EYS: variants seen among roughly 807,000 people sequenced by gnomAD.
EYS encodes the protein EGF-like photoreceptor maintenance factor, also known as protein eyes shut homolog.
EYS carries 250 observed loss-of-function variants against 282.1 expected under a neutral mutation model. The ratio of observed to expected loss-of-function variants is 0.89; its 90% CI spans 0.80 to 0.98. EYS has a LOEUF of 0.98. EYS is among the 50% of genes least tolerant of loss of function. The pLI is 0.00. For missense variants in EYS, 4,016 were observed against 3,709.0 expected, an observed-to-expected ratio of 1.08 and a Z score of -2.15; for synonymous variants, 1,355 against 1,282.9, an observed-to-expected ratio of 1.06 and a Z score of -1.20.
At chr6:63,963,747 A>G (rs949204637) in intron 35 of EYS, among the ~76,000 whole-genome samples, 2 of 152,350 alleles carry the variant, frequency 1.3e-5, no homozygotes, top group South Asian at 4.1e-4. Context: ...ACTTGAATAT[A>G]CCATTGGAGA....
chr6:65,638,674 C>T (rs1221547635), intron 2 of EYS, among the ~76,000 whole-genome samples: 3 of 152,354 alleles, frequency 2.0e-5, no homozygotes, highest in African/African-American at 7.2e-5. Context: ...GCCCACCGCG[C>T]TGCAGCAGCC....
intron 2 of EYS, among the ~76,000 whole-genome samples, chr6:65,584,456 GT>G (rs1056310548): frequency 7.5e-4 from 114 of 152,130 alleles, no homozygotes; most frequent in African/African-American, 2.6e-3. Flanking sequence ...TTCAGGATGA[GT>G]TTTTTAGAGT....
chr6:65,625,339 CTG>C (rs752714611), intron 2 of EYS, among the ~76,000 whole-genome samples: 49 of 152,182 alleles, frequency 3.2e-4, no homozygotes, highest in Non-Finnish European at 5.9e-4. Context: ...CCTCTTGAAA[CTG>C]TGAGATAATC....
chr6:65,704,910 C>A (rs935049500), intron 1 of EYS, among the ~76,000 whole-genome samples: 1 of 152,068 alleles, frequency 6.6e-6, no homozygotes, highest in Admixed American at 6.6e-5. Context: ...AAATTGTTTT[C>A]ATCTTTATTC....
intron 28 of EYS, among the ~76,000 whole-genome samples, chr6:64,434,863 G>T (rs1486635941): frequency 6.6e-6 from 1 of 151,870 alleles, no homozygotes; most frequent in African/African-American, 2.4e-5. Context: ...CCATGCCTGA[G>T]GCCAGAACAG....
At chr6:65,150,770 C>T (rs1007768664) in intron 12 of EYS, among the ~76,000 whole-genome samples, 7 of 151,800 alleles carry the variant, frequency 4.6e-5, no homozygotes, top group Admixed American at 2.0e-4. Context: ...ATATTCTTTA[C>T]ATAAATTTTA....
At chr6:64,409,948 T>C (rs1167597221) in intron 28 of EYS, among the ~76,000 whole-genome samples, 2 of 152,098 alleles carry the variant, frequency 1.3e-5, no homozygotes, top group African/African-American at 4.8e-5. Context: ...AAGTTTATAT[T>C]TTATATAGCC....
chr6:64,371,579 C>T lies in EYS; in HGVS notation c.6078+17111G>A, dbSNP rs149040871. ...CCCAAATATCTTTGTTAATTTTCTG[C>T]CTTGATGATCTGTCTAATACTGTCA... On this transcript the variant is annotated intron_variant, in intron 29 of 42. Coordinates refer to ENST00000503581, the MANE Select transcript of EYS (RefSeq NM_001142800.2). Among the ~76,000 whole-genome samples, 649 of 151,988 alleles carry T rather than the reference C, an allele frequency of 4.3e-3. 5 individuals are homozygous for T. Among genetic ancestry groups the T allele is most frequent in the African/African-American group, 0.015 (611 of 41,472 alleles).
rs1283265756 is a variant in EYS at position 64,162,765 on chromosome 6, A to G, written c.6424+67827T>C. Among the ~76,000 whole-genome samples the G allele has an allele frequency of 2.0e-5, 3 of 152,236 alleles. No homozygotes were observed. In the East Asian group the frequency reaches 5.8e-4, roughly 29 times the overall value. On this transcript the variant is annotated intron_variant, in intron 31 of 42. Coordinates refer to ENST00000503581, the MANE Select transcript of EYS (RefSeq NM_001142800.2). Reference sequence around the variant, plus strand: ...AATAATAGCATATTAATCTATACAAACATTTTAACATTTGTGATTGATTTT... The same window carrying G: ...AATAATAGCATATTAATCTATACAAGCATTTTAACATTTGTGATTGATTTT...
At chr6:63,965,898 G>C (rs564131067) in intron 35 of EYS, among the ~76,000 whole-genome samples, 1 of 152,128 alleles carries the variant, frequency 6.6e-6, no homozygotes, top group Admixed American at 6.6e-5. Context: ...TCAAATTGTC[G>C]AAAGAATATG....
intron 14 of EYS, among the ~76,000 whole-genome samples, chr6:64,975,789 GTAA>G (rs1770456652): frequency 6.6e-6 from 1 of 151,350 alleles, no homozygotes; most frequent in Non-Finnish European, 1.5e-5. Flanking sequence ...TTATCATTTG[GTAA>G]TAATTATTTT....
At chr6:63,946,200 T>C (rs920099405) in intron 35 of EYS, among the ~76,000 whole-genome samples, 2 of 152,176 alleles carry the variant, frequency 1.3e-5, no homozygotes, top group Admixed American at 6.5e-5. Context: ...AATGCTTGTA[T>C]TGGGAAGGCA....
intron 30 of EYS, among the ~76,000 whole-genome samples, chr6:64,245,412 T>C (rs1766979952): frequency 6.6e-6 from 1 of 151,918 alleles, no homozygotes; most frequent in Non-Finnish European, 1.5e-5. Context: ...CTGGCTGGGC[T>C]CAAGCGATCC....
intron 8 of EYS, among the ~76,000 whole-genome samples, chr6:65,361,378 A>G (rs1047802823): frequency 6.6e-6 from 1 of 151,132 alleles, no homozygotes; most frequent in Admixed American, 6.6e-5. Context: ...AAAAAGAAAT[A>G]CTCATATATG....
intron 41 of EYS, among the ~76,000 whole-genome samples, chr6:63,732,374 G>A (rs988343428): frequency 2.0e-5 from 3 of 152,084 alleles, no homozygotes; most frequent in African/African-American, 4.8e-5. Context: ...GGGGAGGATT[G>A]CATTTTCTAA....
chr6:64,467,173 A>G (rs970166681), intron 26 of EYS, among the ~76,000 whole-genome samples: 76 of 152,340 alleles, frequency 5.0e-4, no homozygotes, highest in African/African-American at 1.8e-3. Flanking sequence ...ATTAGTATTC[A>G]GGGAATGCTG....
chr6:64,141,293 G>T (rs1774329646), intron 31 of EYS, among the ~76,000 whole-genome samples: 1 of 152,144 alleles, frequency 6.6e-6, no homozygotes, highest in African/African-American at 2.4e-5. Flanking sequence ...TGGCTATGTT[G>T]AATTGCTAAC....
Position 64,439,202 on chromosome 6 carries a change from C to A in EYS, c.5795G>T (p.Gly1932Val). The change falls in exon 27 of 43, where the codon GGA becomes GTA. Residue 1932 changes from glycine to valine, a missense_variant. Coordinates refer to ENST00000503581, the MANE Select transcript of EYS (RefSeq NM_001142800.2). The part of the protein sequence containing the change: ...YVKQDSNLVD[G>V]FFIQLFIENG... The stretch of plus-strand genomic sequence containing the variant: ...TTCAATAAACAATTGAATAAAAAAT[C>A]CATCTACTAAATTTGAGTCTTGCTT... 1 of 1,473,338 alleles carries A rather than the reference C, an allele frequency of 6.8e-7. No homozygotes were observed. Among genetic ancestry groups the A allele is most frequent in the African/African-American group, 1.5e-5 (1 of 68,656 alleles). 91.3% of individuals were successfully genotyped at this position (1,473,338 alleles called of 1,614,324 possible).
At chr6:63,812,229 G>T (rs1350599995) in intron 36 of EYS, among the ~76,000 whole-genome samples, 1 of 152,112 alleles carries the variant, frequency 6.6e-6, no homozygotes, top group Non-Finnish European at 1.5e-5. Context: ...ACTTCTTCGT[G>T]TTTCTCAAGC....
Sources: allele counts gnomAD v4.1 joint callset (sites outside exome capture counted in the v4.1 genomes callset), GRCh38; gene constraint gnomAD v4.1.1; transcripts MANE v1.5; gene names NCBI Gene and HGNC (gene_info 2026-07-23, HGNC 2026-07-21).